Variants in RAB2A observed in about 807,000 individuals in gnomAD.
RAB2A encodes RAB2A, member RAS oncogene family, also known as ras-related protein Rab-2A.
A neutral mutation model predicts 32.5 loss-of-function variants in RAB2A; 7 were observed. The observed-to-expected ratio is 0.22, with a 90% CI of 0.12 to 0.40. RAB2A has a LOEUF of 0.40. Ranked by LOEUF, RAB2A falls within the 10% of genes least tolerant of loss-of-function variation. The pLI, the probability that RAB2A is intolerant of heterozygous loss-of-function variation, is 1.00. For missense variants in RAB2A, 108 were observed against 260.7 expected, an observed-to-expected ratio of 0.41 and a Z score of 4.03; for synonymous variants, 79 against 85.2, an observed-to-expected ratio of 0.93 and a Z score of 0.40.
Position 60,576,336 on chromosome 8 carries a change from C to T in RAB2A, c.186+4223C>T, listed in dbSNP as rs1445504904. On this transcript the variant is annotated intron_variant, in intron 3 of 7. Coordinates refer to ENST00000262646, the MANE Select transcript of RAB2A (RefSeq NM_002865.3). ...GTTAGACCCTGGCCAGCCATTACTGCCTTGTTCTGCTCTTGTTCTTTTTCT... is the reference window on the plus strand; with the variant it reads ...GTTAGACCCTGGCCAGCCATTACTGTCTTGTTCTGCTCTTGTTCTTTTTCT... 1.3e-4 allele frequency: 59 copies of T among 454,590 alleles called. No individual in the cohort carries two copies. In the Admixed American group the frequency reaches 1.4e-3, roughly 11 times the overall value. 28.2% of individuals were successfully genotyped at this position (454,590 alleles called of 1,614,324 possible).
intron 1 of RAB2A, among the ~76,000 whole-genome samples, chr8:60,547,964 G>T: frequency 1.5e-5 from 1 of 65,080 alleles, no homozygotes; most frequent in Non-Finnish European, 2.9e-5. Flanking sequence ...CCGGGCAGAG[G>T]CGCCCCTCAC....
At chr8:60,567,861 T>G (rs1038833209) in intron 2 of RAB2A, among the ~76,000 whole-genome samples, 1 of 152,146 alleles carries the variant, frequency 6.6e-6, no homozygotes, top group Non-Finnish European at 1.5e-5. Context: ...CTGTTTCTCT[T>G]AATTTTATTA....
chr8:60,537,374 A>G (rs1357836482), intron 1 of RAB2A, among the ~76,000 whole-genome samples: 1 of 152,150 alleles, frequency 6.6e-6, no homozygotes, highest in East Asian at 1.9e-4. Flanking sequence ...GGCATGTGCT[A>G]CCACGCCCAG....
intron 6 of RAB2A, among the ~76,000 whole-genome samples, chr8:60,605,832 C>CATATATGTATATATATATATATATATAT (rs1804220139): frequency 1.7e-5 from 2 of 120,806 alleles, no homozygotes; most frequent in African/African-American, 7.7e-5. Flanking sequence ...GGGACTAATA[C>CATATATGTATATATATATATATATATAT]ATATATACAT....
chr8:60,615,250 C>T (rs960326699), intron 6 of RAB2A, among the ~76,000 whole-genome samples: 16 of 152,070 alleles, frequency 1.1e-4, no homozygotes, highest in African/African-American at 2.9e-4. Flanking sequence ...TTAACAAAGG[C>T]GGTTTAAGTA....
chr8:60,604,919 T>C (rs1373394826), intron 6 of RAB2A, among the ~76,000 whole-genome samples: 4 of 152,202 alleles, frequency 2.6e-5, no homozygotes, highest in African/African-American at 9.7e-5. Context: ...CTGCAGAAAT[T>C]TGCATAAGTA....
intron 1 of RAB2A, chr8:60,558,301 G>A: frequency 2.4e-6 from 1 of 419,834 alleles, no homozygotes; most frequent in African/African-American, 2.1e-5. Context: ...ATTTAGAAAT[G>A]TGGGAGTCAT....
chr8:60,619,189 A>G (rs530142703), intron 7 of RAB2A: 6 of 152,168 alleles, frequency 3.9e-5, no homozygotes, highest in African/African-American at 1.4e-4. Context: ...TTGTAATGTT[A>G]TTTTGATCCT....
At chr8:60,526,017 GTACATATA>G (rs1434147153) in intron 1 of RAB2A, among the ~76,000 whole-genome samples, 34 of 74,222 alleles carry the variant, frequency 4.6e-4, no homozygotes, top group Middle Eastern at 7.4e-3. Flanking sequence ...ATGTGTGTGT[GTACATATA>G]TATATATATA....
chr8:60,620,867 G>C lies in RAB2A; in HGVS notation c.*98G>C, dbSNP rs1804515877. ...CTGAGACATGAAACTATTTGAAATG[G>C]CTTTATGTCACAGAAGACTTTAATC... On this transcript the variant is annotated 3_prime_UTR_variant, in exon 8 of 8. Transcript: ENST00000262646. The C allele has an allele frequency of 3.1e-6, 3 of 981,290 alleles. No homozygotes were observed. The South Asian group carries it at 5.2e-5, about 17-fold the overall frequency. The allele number at this position is 981,290 out of a possible 1,614,324, so 60.8% of individuals were successfully genotyped here.
chr8:60,523,020 T>C (rs1807324682), intron 1 of RAB2A, among the ~76,000 whole-genome samples: 1 of 152,116 alleles, frequency 6.6e-6, no homozygotes. Flanking sequence ...ACCTGGGAAG[T>C]TCAGAGGTAG....
intron 6 of RAB2A, among the ~76,000 whole-genome samples, chr8:60,605,746 G>A (rs930863470): frequency 6.6e-6 from 1 of 151,554 alleles, no homozygotes; most frequent in Non-Finnish European, 1.5e-5. Flanking sequence ...TGGAATGGGA[G>A]TATTTACCCA....
Position 60,591,974 on chromosome 8 carries a change from A to G in RAB2A, c.474+5A>G, listed in dbSNP as rs373117062. 15 of 1,521,636 alleles carry G rather than the reference A, an allele frequency of 9.9e-6. No individual in the cohort carries two copies. The highest frequency in any genetic ancestry group is 2.8e-5 in the African/African-American group (2 of 72,070). The allele number at this position is 1,521,636 out of a possible 1,614,324, so 94.3% of individuals were successfully genotyped here. The stretch of plus-strand genomic sequence containing the variant: ...ACTGCTTCCAATGTAGAAGAGGTAA[A>G]TAAGAGGCCCTTTAAAATCTTCATC... On this transcript the variant is annotated splice_donor_5th_base_variant and intron_variant, in intron 6 of 7. Coordinates refer to ENST00000262646, the MANE Select transcript of RAB2A (RefSeq NM_002865.3).
At chr8:60,575,092 G>GTTTTTTTTTTTTTTTTTTTTTTTTTT (rs1563474748) in intron 3 of RAB2A, among the ~76,000 whole-genome samples, 1 of 120,906 alleles carries the variant, frequency 8.3e-6, no homozygotes, top group African/African-American at 3.7e-5. Context: ...TTTTTTTGGG[G>GTTTTTTTTTTTTTTTTTTTTTTTTTT]GTTTTTTTTT....
chr8:60,619,195 A>G (rs1395058929), intron 7 of RAB2A: 1 of 152,002 alleles, frequency 6.6e-6, no homozygotes, highest in Admixed American at 6.6e-5. Context: ...TGTTATTTTG[A>G]TCCTGTTTTG....
At chr8:60,573,405 C>G (rs1808224864) in intron 3 of RAB2A, among the ~76,000 whole-genome samples, 1 of 152,206 alleles carries the variant, frequency 6.6e-6, no homozygotes, top group African/African-American at 2.4e-5. Flanking sequence ...AGACTGGATT[C>G]CCTAGACCAA....
chr8:60,558,556 A>T, intron 1 of RAB2A: 1 of 493,286 alleles, frequency 2.0e-6, no homozygotes, highest in Non-Finnish European at 3.9e-6. Flanking sequence ...GTACTGTAGT[A>T]GAGGCTACCA....
At chr8:60,532,778 G>A (rs771283842) in intron 1 of RAB2A, among the ~76,000 whole-genome samples, 2 of 152,200 alleles carry the variant, frequency 1.3e-5, no homozygotes, top group Non-Finnish European at 2.9e-5. Flanking sequence ...CCCAAGTGCT[G>A]GGATTACATA....
At chr8:60,575,753 G>T (rs1318283457) in intron 3 of RAB2A, among the ~76,000 whole-genome samples, 4 of 150,056 alleles carry the variant, frequency 2.7e-5, no homozygotes, top group East Asian at 3.9e-4. Flanking sequence ...CGCCTCCCGG[G>T]TTCAAGCGAT....
Sources: allele counts gnomAD v4.1 joint callset (sites outside exome capture counted in the v4.1 genomes callset), GRCh38; gene constraint gnomAD v4.1.1; transcripts MANE v1.5; gene names NCBI Gene and HGNC (gene_info 2026-07-23, HGNC 2026-07-21).